Variants in PTCSC3 observed in about 807,000 individuals in gnomAD.
PTCSC3 encodes the protein papillary thyroid carcinoma susceptibility candidate 3.
intron 3 of PTCSC3, among the ~76,000 whole-genome samples, chr14:36,148,246 G>A (rs1881634085): frequency 1.3e-5 from 2 of 152,108 alleles, no homozygotes; most frequent in Admixed American, 1.3e-4. Context: ...GCAATGGCGG[G>A]CTCCCCTCCC....
intron 1 of PTCSC3, among the ~76,000 whole-genome samples, chr14:36,166,989 C>T (rs1204426022): frequency 6.6e-6 from 1 of 152,120 alleles, no homozygotes; most frequent in African/African-American, 2.4e-5. Flanking sequence ...ACACTCTAGC[C>T]ATGAATTCTA....
At chr14:36,155,081 G>A (rs1223263464) in intron 2 of PTCSC3, among the ~76,000 whole-genome samples, 3 of 152,060 alleles carry the variant, frequency 2.0e-5, no homozygotes, top group Non-Finnish European at 4.4e-5. Context: ...CAGGAAAAAG[G>A]CACAACTTCT....
In PTCSC3 at chr14:36,155,447, AT is replaced by A. The variant is rs1383239243; in HGVS notation, n.232-1554del. The stretch of plus-strand genomic sequence containing the variant: ...TGGTTCTTTAATGCATACACTCTTT[AT>A]TTTGTATTTATTAGAGTATATTTTA... On this transcript the variant is annotated intron_variant and non_coding_transcript_variant, in intron 2 of 3. Transcript: ENST00000556013. Among the ~76,000 whole-genome samples, 7 of 152,078 alleles carry A rather than the reference AT, an allele frequency of 4.6e-5. No individual in the cohort carries two copies. The East Asian group carries it at 1.4e-3, about 29-fold the overall frequency.
intron 3 of PTCSC3, among the ~76,000 whole-genome samples, chr14:36,147,921 G>A (rs929610802): frequency 4.6e-5 from 7 of 152,154 alleles, no homozygotes; most frequent in East Asian, 1.9e-4. Context: ...ATACCCTGCC[G>A]TGTGAGGTGT....
Position 36,166,859 on chromosome 14 carries a change from G to A in PTCSC3, n.172-4176C>T, listed in dbSNP as rs1183378726. The stretch of plus-strand genomic sequence containing the variant: ...ATTAGCAGACAAAACTCTAAATATA[G>A]TTGGCCTGCACTGGAAGGTTAAAAG... On this transcript the variant is annotated intron_variant and non_coding_transcript_variant, in intron 1 of 3. Transcript: ENST00000556013. Among the ~76,000 whole-genome samples the A allele has an allele frequency of 3.9e-5, 6 of 152,148 alleles. 1 individual carries two copies. In the East Asian group the frequency reaches 7.7e-4, roughly 19 times the overall value.
At chr14:36,161,272 A>T (rs144615487) in intron 2 of PTCSC3, among the ~76,000 whole-genome samples, 124 of 152,136 alleles carry the variant, frequency 8.2e-4, no homozygotes, top group African/African-American at 2.9e-3. Context: ...GCTGGCGAGG[A>T]GTTGTGATCC....
At position 36,162,217 on chromosome 14, in the gene PTCSC3, C is replaced by T. The variant is rs111771478; in HGVS notation, n.231+407G>A. On this transcript the variant is annotated intron_variant and non_coding_transcript_variant, in intron 2 of 3. Coordinates refer to ENST00000556013, the Ensembl canonical transcript of PTCSC3. Reference sequence around the variant, plus strand: ...TCAGCCCTCTTTCCAGGGGAGTGAACAGTTCTGTCTCACTGGCGTTCCAGG... The same window carrying T: ...TCAGCCCTCTTTCCAGGGGAGTGAATAGTTCTGTCTCACTGGCGTTCCAGG... Among the ~76,000 whole-genome samples, 689 of 132,572 alleles carry T rather than the reference C, an allele frequency of 5.2e-3. 3 individuals carry two copies. Among genetic ancestry groups the T allele is most frequent in the African/African-American group, 0.019 (650 of 33,552 alleles). The allele number at this position is 132,572 out of a possible 152,430, so 87.0% of individuals were successfully genotyped here.
At chr14:36,173,919 A>G (rs1054237652) in intron 1 of PTCSC3, among the ~76,000 whole-genome samples, 1 of 151,782 alleles carries the variant, frequency 6.6e-6, no homozygotes, top group Non-Finnish European at 1.5e-5. Context: ...TGTCTTCTGG[A>G]CTCCATTGTT....
At chr14:36,148,889 A>G (rs1037698445) in intron 3 of PTCSC3, among the ~76,000 whole-genome samples, 7 of 152,062 alleles carry the variant, frequency 4.6e-5, no homozygotes, top group African/African-American at 1.2e-4. Context: ...CATTTCTGAT[A>G]CTAATAATTT....
At chr14:36,164,467 A>G (rs927231131) in intron 1 of PTCSC3, among the ~76,000 whole-genome samples, 6 of 152,164 alleles carry the variant, frequency 3.9e-5, no homozygotes, top group African/African-American at 1.4e-4. Context: ...TTTATGTGTT[A>G]TTTTCTTATA....
intron 2 of PTCSC3, chr14:36,153,987 G>GTA (rs1881776243): frequency 2.6e-5 from 4 of 151,618 alleles, no homozygotes; most frequent in Admixed American, 6.6e-5. Flanking sequence ...GGTCACCTGA[G>GTA]CCTGGGAGGT....
intron 3 of PTCSC3, among the ~76,000 whole-genome samples, chr14:36,141,584 A>G (rs1374644582): frequency 6.6e-6 from 1 of 152,030 alleles, no homozygotes; most frequent in African/African-American, 2.4e-5. Flanking sequence ...AACTCCTAAC[A>G]TCAGGTGGTC....
chr14:36,167,430 T>C (rs1433665403), intron 1 of PTCSC3, among the ~76,000 whole-genome samples: 1 of 152,068 alleles, frequency 6.6e-6, no homozygotes, highest in African/African-American at 2.4e-5. Flanking sequence ...AGGAAAAACA[T>C]ACAATTTTAT....
At chr14:36,165,956 T>C (rs1882077701) in intron 1 of PTCSC3, among the ~76,000 whole-genome samples, 1 of 152,216 alleles carries the variant, frequency 6.6e-6, no homozygotes, top group Non-Finnish European at 1.5e-5. Flanking sequence ...GTGAACAGGA[T>C]GAGAAGTTCT....
chr14:36,172,422 A>G (rs544860820), intron 1 of PTCSC3, among the ~76,000 whole-genome samples: 3 of 152,156 alleles, frequency 2.0e-5, no homozygotes, highest in Admixed American at 6.5e-5. Context: ...TTAAATTAAC[A>G]GGAAAATAAA....
chr14:36,167,112 A>G (rs1312622930), intron 1 of PTCSC3, among the ~76,000 whole-genome samples: 2 of 152,210 alleles, frequency 1.3e-5, no homozygotes, highest in Non-Finnish European at 2.9e-5. Context: ...TAGAACAAGC[A>G]CATTTGTAAA....
intron 2 of PTCSC3, among the ~76,000 whole-genome samples, chr14:36,154,714 C>G (rs963393650): frequency 6.6e-6 from 1 of 152,050 alleles, no homozygotes; most frequent in Admixed American, 6.5e-5. Context: ...GTAGAGGCCT[C>G]TCTCTCTTTC....
At chr14:36,170,462 T>G (rs1379125211) in intron 1 of PTCSC3, among the ~76,000 whole-genome samples, 5 of 152,186 alleles carry the variant, frequency 3.3e-5, no homozygotes, top group Admixed American at 3.3e-4. Context: ...CTACTCCTAC[T>G]GTACTATATA....
chr14:36,148,050 C>G (rs1417859311), intron 3 of PTCSC3, among the ~76,000 whole-genome samples: 3 of 152,116 alleles, frequency 2.0e-5, no homozygotes, highest in Non-Finnish European at 4.4e-5. Context: ...GCTGGGAGAA[C>G]CACTGCTCTC....
Sources: gnomAD v4.1 joint callset for allele counts (sites outside exome capture counted in the v4.1 genomes callset) on GRCh38, gnomAD v4.1.1 for gene constraint, MANE v1.5 for transcripts, NCBI Gene and HGNC (gene_info 2026-07-23, HGNC 2026-07-21) for gene names.